The following ZMIZ1 variants were observed in gnomAD, a reference collection of about 807,000 sequenced individuals.
The protein encoded by ZMIZ1 is zinc finger MIZ-type containing 1, also known as zinc finger MIZ domain-containing protein 1.
ZMIZ1 carries 17 observed loss-of-function variants against 113.9 expected under a neutral mutation model. The observed-to-expected ratio is 0.15, with a 90% CI of 0.10 to 0.22. The LOEUF is 0.22. Ranked by LOEUF, ZMIZ1 falls within the 10% of genes least tolerant of loss-of-function variation. ZMIZ1 has a pLI of 1.00. For synonymous variants in ZMIZ1, 607 were observed against 603.1 expected (o/e 1.01, Z -0.09); for missense variants, 1,059 against 1,477.8 (o/e 0.72, Z 4.65).
chr10:79,186,594 CT>C (rs1847361281), intron 4 of ZMIZ1, among the ~76,000 whole-genome samples: 1 of 152,210 alleles, frequency 6.6e-6, no homozygotes, highest in Admixed American at 6.5e-5. Context: ...ACATAATTAA[CT>C]TTGTAATTAA....
chr10:79,293,824 T>C (rs1216279694), intron 12 of ZMIZ1, 171 bp downstream of exon 12: 2 of 994,484 alleles, frequency 2.0e-6, no homozygotes, highest in Non-Finnish European at 3.0e-6. Flanking sequence ...GGTTCTGCTG[T>C]TTCCCAACTG....
In ZMIZ1 at chr10:79,315,113, T is replaced by A. The variant is rs1855451399; in HGVS notation, c.*2364T>A. 6.5e-6 allele frequency: 1 copy of A among 152,936 alleles called. No individual in the cohort carries two copies. The highest frequency in any genetic ancestry group is 6.5e-5 in the Admixed American group (1 of 15,286). 9.5% of individuals were successfully genotyped at this position (152,936 alleles called of 1,614,324 possible). ...GCCCCGGGCACCTCCTGCAACCATC[T>A]CTGGGCTCAGCACCTGAGGCGGGTT... is the stretch of plus-strand genomic sequence containing the variant. On this transcript the variant is annotated 3_prime_UTR_variant, in exon 25 of 25. Coordinates refer to ENST00000334512, the MANE Select transcript of ZMIZ1 (RefSeq NM_020338.4).
chr10:79,127,499 G>A (rs2132356071), intron 2 of ZMIZ1, among the ~76,000 whole-genome samples: 2 of 152,220 alleles, frequency 1.3e-5, no homozygotes, highest in South Asian at 2.1e-4. Flanking sequence ...CACAGCAGGG[G>A]GTGGCAAGCT....
chr10:79,199,474 C>G (rs1483236690), intron 4 of ZMIZ1, among the ~76,000 whole-genome samples: 13 of 152,168 alleles, frequency 8.5e-5, no homozygotes, highest in African/African-American at 3.1e-4. Flanking sequence ...CCACTGCACT[C>G]CAGCCTGGGC....
chr10:79,310,449 GC>G (rs1270283536), intron 23 of ZMIZ1, among the ~76,000 whole-genome samples: 1 of 152,312 alleles, frequency 6.6e-6, no homozygotes, highest in East Asian at 1.9e-4. Context: ...CCAGTCCTGA[GC>G]CGCACGCCCG....
rs1337402914 is a variant in ZMIZ1 at position 79,296,214 on chromosome 10, T to G, written c.1231-257T>G. 1 of 551,284 alleles carries G rather than the reference T, an allele frequency of 1.8e-6. No homozygotes were observed. Among genetic ancestry groups the G allele is most frequent in the East Asian group, 3.3e-5 (1 of 30,380 alleles). The allele number at this position is 551,284 out of a possible 1,614,324, so 34.1% of individuals were successfully genotyped here. A position where few individuals can be genotyped will look rare whatever the true frequency, so the allele number is the denominator to read the frequency against. On this transcript the variant is annotated intron_variant, in intron 12 of 24. Coordinates refer to ENST00000334512, the MANE Select transcript of ZMIZ1 (RefSeq NM_020338.4). This position sits in a 1 kb window ranked among gnomAD's most constrained non-coding sequence, Gnocchi z 4.1. Reference sequence around the variant, plus strand: ...TGGTGTGAGCAAGAGGCTCTGAAAGTGTCCCTGGAGTTCAGGGGCACATGT... The same window carrying G: ...TGGTGTGAGCAAGAGGCTCTGAAAGGGTCCCTGGAGTTCAGGGGCACATGT...
intron 3 of ZMIZ1, among the ~76,000 whole-genome samples, chr10:79,153,085 C>T (rs145217205): frequency 1.5e-4 from 23 of 152,342 alleles, no homozygotes; most frequent in Non-Finnish European, 2.1e-4. Flanking sequence ...TCTGAAAGAA[C>T]GAATGAGACC....
intron 18 of ZMIZ1, among the ~76,000 whole-genome samples, chr10:79,303,784 C>T (rs1854500106): frequency 6.6e-6 from 1 of 152,244 alleles, no homozygotes; most frequent in Non-Finnish European, 1.5e-5. Context: ...CCACAGCCAC[C>T]TCGTCTGGCA....
At chr10:79,131,746 G>T (rs1157881995) in intron 2 of ZMIZ1, among the ~76,000 whole-genome samples, 1 of 152,188 alleles carries the variant, frequency 6.6e-6, no homozygotes, top group East Asian at 1.9e-4. Flanking sequence ...GATAAAGGGA[G>T]ACCCTCTGTG....
At chr10:79,167,381 C>T (rs1209263757) in intron 4 of ZMIZ1, among the ~76,000 whole-genome samples, 13 of 152,164 alleles carry the variant, frequency 8.5e-5, no homozygotes, top group Non-Finnish European at 1.5e-4. Flanking sequence ...CTTGGAGAGT[C>T]CTGTTTCATC....
At chr10:79,136,182 C>T (rs1296505208) in intron 2 of ZMIZ1, among the ~76,000 whole-genome samples, 1 of 152,158 alleles carries the variant, frequency 6.6e-6, no homozygotes, top group African/African-American at 2.4e-5. Flanking sequence ...GGAAGTCACT[C>T]GTCTCCAGGC....
chr10:79,104,950 GGTGTGTGT>G lies in ZMIZ1; in HGVS notation c.-336-13928_-336-13921del, dbSNP rs58453718. 2.7e-3 allele frequency among the ~76,000 whole-genome samples: 376 copies of G among 140,182 alleles called. 2 individuals carry two copies. Among genetic ancestry groups the G allele is most frequent in the African/African-American group, 6.0e-3 (227 of 37,690 alleles). 92.0% of individuals were successfully genotyped at this position (140,182 alleles called of 152,430 possible). A position where few individuals can be genotyped will look rare whatever the true frequency, so the allele number is the denominator to read the frequency against. ...TGTTGTTGTTGGGTTGTTGTTGTGGGGTGTGTGTGTGTGTGTGTGTGTGTGTGTGTGTG... is the reference window on the plus strand; with the variant it reads ...TGTTGTTGTTGGGTTGTTGTTGTGGGGTGTGTGTGTGTGTGTGTGTGTGTG... On this transcript the variant is annotated intron_variant, in intron 1 of 24. Transcript: ENST00000334512.
At chr10:79,288,447 C>T (rs1446752760) in intron 8 of ZMIZ1, among the ~76,000 whole-genome samples, 1 of 152,206 alleles carries the variant, frequency 6.6e-6, no homozygotes, top group Non-Finnish European at 1.5e-5. Flanking sequence ...CTAAGACAGA[C>T]ACAAGCCAGA....
At chr10:79,304,245 A>G (rs1854532980) in intron 19 of ZMIZ1, 70 bp downstream of exon 19, 1 of 1,563,154 alleles carries the variant, frequency 6.4e-7, no homozygotes, top group Non-Finnish European at 8.7e-7. Context: ...AGGGGTAGGC[A>G]GAGGGGCAAC....
intron 8 of ZMIZ1, among the ~76,000 whole-genome samples, chr10:79,277,779 C>T (rs1564574889): frequency 6.6e-6 from 1 of 152,236 alleles, no homozygotes; most frequent in Admixed American, 6.5e-5. Context: ...CACAGGCAGG[C>T]ATGGGCTTGC....
intron 1 of ZMIZ1, among the ~76,000 whole-genome samples, chr10:79,083,430 G>A (rs1842721867): frequency 6.6e-6 from 1 of 152,156 alleles, no homozygotes; most frequent in Admixed American, 6.6e-5. Context: ...AGGAGAGAGT[G>A]GGGAGGAAGT....
chr10:79,106,209 T>A (rs1376676697), intron 1 of ZMIZ1, among the ~76,000 whole-genome samples: 1 of 152,246 alleles, frequency 6.6e-6, no homozygotes, highest in Non-Finnish European at 1.5e-5. Context: ...ACCATCTGGC[T>A]GCTCTCTCCT....
intron 1 of ZMIZ1, among the ~76,000 whole-genome samples, chr10:79,107,331 T>C (rs1360225466): frequency 1.3e-5 from 2 of 152,264 alleles, no homozygotes; most frequent in Admixed American, 6.5e-5. Context: ...TCTGGCCGTG[T>C]GACTTTTGGT....
At chr10:79,096,819 A>T (rs1299021668) in intron 1 of ZMIZ1, among the ~76,000 whole-genome samples, 1 of 152,214 alleles carries the variant, frequency 6.6e-6, no homozygotes, top group Non-Finnish European at 1.5e-5. Flanking sequence ...AGACAATCAC[A>T]ATCAAGGACA....
Sources: gnomAD v4.1 joint callset for allele counts (sites outside exome capture counted in the v4.1 genomes callset) on GRCh38, gnomAD v4.1.1 for gene constraint, Gnocchi (gnomAD v3.1) non-coding constraint, MANE v1.5 for transcripts, NCBI Gene and HGNC (gene_info 2026-07-23, HGNC 2026-07-21) for gene names.